Variants in RHEB observed in about 807,000 individuals in gnomAD.
RHEB encodes GTP-binding protein Rheb.
In RHEB, 2 loss-of-function variants were observed where a neutral mutation model predicts 28.8. That is an observed-to-expected ratio of 0.07 (90% CI 0.03 to 0.22). The LOEUF is 0.22. Ranked by LOEUF, RHEB falls within the 10% of genes least tolerant of loss-of-function variation. The pLI is 1.00. For synonymous variants in RHEB, 69 were observed against 77.3 expected, an observed-to-expected ratio of 0.89 and a Z score of 0.56; for missense variants, 76 against 219.9, an observed-to-expected ratio of 0.35 and a Z score of 4.14.
chr7:151,493,355 A>G (rs915832122), intron 1 of RHEB, among the ~76,000 whole-genome samples: 5 of 152,146 alleles, frequency 3.3e-5, no homozygotes, highest in African/African-American at 1.2e-4. Context: ...TGTCATTCTG[A>G]TCTGAGCTCA....
In RHEB at chr7:151,472,274, C is replaced by T. The variant is rs1019420708; in HGVS notation, c.276-669G>A. Among the ~76,000 whole-genome samples the T allele has an allele frequency of 2.0e-5, 3 of 152,208 alleles. No individual in the cohort carries two copies. Among genetic ancestry groups the T allele is most frequent in the Non-Finnish European group, 2.9e-5 (2 of 68,040 alleles). On this transcript the variant is annotated intron_variant, in intron 4 of 7. Coordinates refer to ENST00000262187, the MANE Select transcript of RHEB (RefSeq NM_005614.4). This position sits in a 1 kb window ranked among gnomAD's most constrained non-coding sequence, Gnocchi z 5.2. ...GAATCTGACGGCTTCTCACTCCCCT[C>T]CACTGCTGCCGCTGAGGTGTGAATT...
rs1399048830 is a variant in RHEB at position 151,472,887 on chromosome 7, G to T, written c.276-1282C>A. Reference sequence around the variant, plus strand: ...GCTGTGGGTCAACAAATGGGATATGGGTGTCCTAAGGACCTGCGGTTGCAT... The same window carrying T: ...GCTGTGGGTCAACAAATGGGATATGTGTGTCCTAAGGACCTGCGGTTGCAT... On this transcript the variant is annotated intron_variant, in intron 4 of 7. Coordinates refer to ENST00000262187, the MANE Select transcript of RHEB (RefSeq NM_005614.4). This position sits in a 1 kb window ranked among gnomAD's most constrained non-coding sequence, Gnocchi z 5.2. Among the ~76,000 whole-genome samples the T allele has an allele frequency of 6.6e-6, 1 of 152,146 alleles. No individual in the cohort carries two copies. The highest frequency in any genetic ancestry group is 1.9e-4 in the East Asian group (1 of 5,204).
chr7:151,483,761 A>G (rs937763607), intron 3 of RHEB, among the ~76,000 whole-genome samples: 1 of 152,160 alleles, frequency 6.6e-6, no homozygotes, highest in African/African-American at 2.4e-5. Context: ...CAGCTTCTTT[A>G]CATTCCTCAC....
chr7:151,484,635 T>G, intron 3 of RHEB, 102 bp downstream of exon 3: 1 of 830,126 alleles, frequency 1.2e-6, no homozygotes, highest in Non-Finnish European at 2.0e-6. Context: ...GCACACAACC[T>G]GAGGGGTTTT....
At chr7:151,478,161 T>C (rs1802303812) in intron 3 of RHEB, among the ~76,000 whole-genome samples, 1 of 152,226 alleles carries the variant, frequency 6.6e-6, no homozygotes, top group Admixed American at 6.5e-5. Context: ...AGTTCTGATG[T>C]CAGTGCAGTT....
rs76646312 is a variant in RHEB at position 151,514,019 on chromosome 7, G to C, written c.52+5441C>G. Among the ~76,000 whole-genome samples the C allele has an allele frequency of 6.3e-3, 962 of 152,276 alleles. 15 individuals are homozygous for C. The highest frequency in any genetic ancestry group is 0.022 in the African/African-American group (903 of 41,558). ...TTTAAAAACCAGCTACAAAACTACA[G>C]TAATCAAGATCGTATGGTACTGGCA... On this transcript the variant is annotated intron_variant, in intron 1 of 7. Coordinates refer to ENST00000262187, the MANE Select transcript of RHEB (RefSeq NM_005614.4).
intron 1 of RHEB, among the ~76,000 whole-genome samples, chr7:151,510,256 C>G (rs1208580361): frequency 1.3e-5 from 2 of 152,296 alleles, no homozygotes; most frequent in Non-Finnish European, 2.9e-5. Flanking sequence ...TTATTTCTCT[C>G]AAACACCTAT....
At chr7:151,478,901 C>T (rs1802323541) in intron 3 of RHEB, among the ~76,000 whole-genome samples, 1 of 151,996 alleles carries the variant, frequency 6.6e-6, no homozygotes, top group African/African-American at 2.4e-5. Flanking sequence ...TCCCAAAGTG[C>T]TGGGATTACA....
chr7:151,473,156 C>G (rs1202187843), intron 4 of RHEB, among the ~76,000 whole-genome samples: 1 of 152,188 alleles, frequency 6.6e-6, no homozygotes, highest in Non-Finnish European at 1.5e-5. Flanking sequence ...GATGGAATGT[C>G]CCTTTTGCGG....
At chr7:151,490,869 T>C in intron 2 of RHEB, 74 bp downstream of exon 2, 1 of 1,117,348 alleles carries the variant, frequency 8.9e-7, no homozygotes, top group Non-Finnish European at 1.4e-6. Flanking sequence ...ACTCAAAGCC[T>C]CCATGAATAC....
intron 7 of RHEB, 148 bp downstream of exon 7, chr7:151,470,423 A>G: frequency 1.8e-6 from 1 of 559,654 alleles, no homozygotes. Context: ...TATCTTCCTA[A>G]AGCAACACAA....
At chr7:151,508,446 T>C (rs1393529257) in intron 1 of RHEB, among the ~76,000 whole-genome samples, 1 of 152,202 alleles carries the variant, frequency 6.6e-6, no homozygotes, top group Non-Finnish European at 1.5e-5. Context: ...ACCTGAAATG[T>C]GCTCAGTTCC....
chr7:151,513,584 C>T (rs1803027655), intron 1 of RHEB, among the ~76,000 whole-genome samples: 1 of 152,152 alleles, frequency 6.6e-6, no homozygotes, highest in South Asian at 2.1e-4. Context: ...ACCAGTAACG[C>T]TACAAAACCA....
intron 1 of RHEB, among the ~76,000 whole-genome samples, chr7:151,497,011 G>A (rs531431773): frequency 2.7e-5 from 4 of 148,530 alleles, no homozygotes; most frequent in Middle Eastern, 3.4e-3. Context: ...GGATGGTCTC[G>A]ATCCCTGGTC....
chr7:151,479,549 G>A (rs371534813), intron 3 of RHEB, among the ~76,000 whole-genome samples: 19 of 152,140 alleles, frequency 1.2e-4, no homozygotes, highest in East Asian at 9.7e-4. Flanking sequence ...TGGGCGTGGT[G>A]GCGGGCGCCT....
chr7:151,496,305 C>T (rs1233898464), intron 1 of RHEB, among the ~76,000 whole-genome samples: 1 of 152,194 alleles, frequency 6.6e-6, no homozygotes, highest in Non-Finnish European at 1.5e-5. Flanking sequence ...TCCTCTGGCA[C>T]CTGCCCTTCT....
chr7:151,493,025 T>C lies in RHEB; in HGVS notation c.53-2011A>G, dbSNP rs141501738. Among the ~76,000 whole-genome samples, 1,035 of 152,044 alleles carry C rather than the reference T, an allele frequency of 6.8e-3. 14 individuals carry two copies. Among genetic ancestry groups the C allele is most frequent in the African/African-American group, 0.023 (949 of 41,468 alleles). ...TGACTAATTTTTTTTGTATTTTTAG[T>C]AGAGACAGGGTTTCACCACATTGGT... On this transcript the variant is annotated intron_variant, in intron 1 of 7. Coordinates refer to ENST00000262187, the MANE Select transcript of RHEB (RefSeq NM_005614.4).
rs1802082113 is a variant in RHEB, at chr7:151,467,272, T to TA, written c.463-62dup. 4 of 1,273,380 alleles carry TA rather than the reference T, an allele frequency of 3.1e-6. No homozygotes were observed. In the African/African-American group the frequency reaches 4.4e-5, roughly 14 times the overall value. The allele number at this position is 1,273,380 out of a possible 1,614,324, so 78.9% of individuals were successfully genotyped here. A position where few individuals can be genotyped will look rare whatever the true frequency, so the allele number is the denominator to read the frequency against. ...GTGAAGCCGAACTCCGAGAGTATTT[T>TA]ACGGACTGAGGAGGGCGTGCCGCCT... On this transcript the variant is annotated intron_variant, in intron 7 of 7. Coordinates refer to ENST00000262187, the MANE Select transcript of RHEB (RefSeq NM_005614.4).
intron 3 of RHEB, among the ~76,000 whole-genome samples, chr7:151,483,343 C>G (rs973504560): frequency 6.6e-6 from 1 of 152,178 alleles, no homozygotes; most frequent in Non-Finnish European, 1.5e-5. Flanking sequence ...TCCCCAGATT[C>G]CAGAAAAATA....
Sources: allele counts gnomAD v4.1 joint callset (sites outside exome capture counted in the v4.1 genomes callset), GRCh38; gene constraint gnomAD v4.1.1; non-coding constraint Gnocchi (gnomAD v3.1); transcripts MANE v1.5; gene names NCBI Gene and HGNC (gene_info 2026-07-23, HGNC 2026-07-21).